ABCC1: variants seen among roughly 807,000 people sequenced by gnomAD.
ABCC1 encodes ATP binding cassette subfamily C member 1 (ABCC1 blood group).
In ABCC1, 83 loss-of-function variants were observed where a neutral mutation model predicts 172.9. That is an observed-to-expected ratio of 0.48 (90% confidence interval 0.40 to 0.58). ABCC1 has a LOEUF of 0.58. Ranked by LOEUF, ABCC1 falls within the 20% of genes least tolerant of loss-of-function variation. The probability of loss-of-function intolerance (pLI) is 0.00; values close to 1 mark genes in which losing one functional copy is unlikely to be tolerated. For synonymous variants in ABCC1, 937 were observed against 825.2 expected, an observed-to-expected ratio of 1.14 and a Z score of -2.32; for missense variants, 1,817 against 2,002.7, an observed-to-expected ratio of 0.91 and a Z score of 1.77.
At chr16:15,971,869 T>A (rs1354574357) in intron 1 of ABCC1, among the ~76,000 whole-genome samples, 1 of 151,734 alleles carries the variant, frequency 6.6e-6, no homozygotes, top group Non-Finnish European at 1.5e-5. Context: ...CAGACACACG[T>A]GGAGTGGTTT....
At chr16:16,106,348 C>T (rs1320658481) in intron 20 of ABCC1, among the ~76,000 whole-genome samples, 2 of 148,222 alleles carry the variant, frequency 1.3e-5, no homozygotes, top group East Asian at 2.0e-4. Context: ...AAATGATCTA[C>T]GATGTGCCCT....
At chr16:16,052,871 C>A in intron 11 of ABCC1, 55 bp downstream of exon 11, 1 of 1,556,650 alleles carries the variant, frequency 6.4e-7, no homozygotes, top group Non-Finnish European at 8.9e-7. Context: ...GAGGCCTCTC[C>A]ATGAGGATTT....
chr16:15,989,810 G>A (rs531563459), intron 1 of ABCC1, among the ~76,000 whole-genome samples: 6 of 152,224 alleles, frequency 3.9e-5, no homozygotes, highest in East Asian at 1.9e-4. Flanking sequence ...AAAATGGAGC[G>A]ATGTACATGA....
At chr16:15,994,057 A>C (rs2046967395) in intron 1 of ABCC1, among the ~76,000 whole-genome samples, 1 of 152,142 alleles carries the variant, frequency 6.6e-6, no homozygotes, top group Non-Finnish European at 1.5e-5. Context: ...TGAATCTACA[A>C]AAGATACAAA....
At chr16:16,116,811 C>T (rs2044896563) in intron 23 of ABCC1, among the ~76,000 whole-genome samples, 1 of 152,200 alleles carries the variant, frequency 6.6e-6, no homozygotes, top group South Asian at 2.1e-4. Context: ...CCGCCCGCCT[C>T]AGCCTGCCAA....
chr16:16,042,789 G>A (rs900362591), intron 7 of ABCC1, among the ~76,000 whole-genome samples: 2 of 151,842 alleles, frequency 1.3e-5, no homozygotes, highest in Admixed American at 1.3e-4. Flanking sequence ...CACAATTCAT[G>A]TATGCAGAAC....
chr16:16,058,722 C>A (rs998086764), intron 12 of ABCC1, among the ~76,000 whole-genome samples: 2 of 152,194 alleles, frequency 1.3e-5, no homozygotes, highest in African/African-American at 4.8e-5. Context: ...ACTATCTTGG[C>A]TCACTGCAAT....
In ABCC1 at chr16:16,106,948, A is replaced by C. The variant is rs1053829952; in HGVS notation, c.2871+75A>C. On this transcript the variant is annotated intron_variant, in intron 21 of 30. Transcript: ENST00000399410. ...CCACTGTGCACTGGGCACTGTGCAA[A>C]GTGCCTTGTCTATGTTAACTCACCT... 1.9e-6 allele frequency: 3 copies of C among 1,587,798 alleles called. No individual in the cohort carries two copies. In the African/African-American group the frequency reaches 4.0e-5, roughly 21 times the overall value.
At chr16:16,032,585 G>T (rs1469940520) in intron 5 of ABCC1, among the ~76,000 whole-genome samples, 2 of 152,176 alleles carry the variant, frequency 1.3e-5, no homozygotes, top group Admixed American at 1.3e-4. Context: ...AATTCCATGA[G>T]GATATAAAAT....
chr16:16,124,371 G>A lies in ABCC1; in HGVS notation c.3591-418G>A, dbSNP rs1567432285. ...TGTGATTATAGGAGTGACCCACTAC[G>A]CCCGGCTGTGTGTGTGTGTGTGTGT... On this transcript the variant is annotated intron_variant, in intron 24 of 30. Transcript: ENST00000399410. Among the ~76,000 whole-genome samples the A allele has an allele frequency of 5.0e-5, 5 of 99,934 alleles. No individual in the cohort carries two copies. The South Asian group carries it at 1.7e-3, about 35-fold the overall frequency. 65.6% of individuals were successfully genotyped at this position (99,934 alleles called of 152,430 possible).
intron 12 of ABCC1, among the ~76,000 whole-genome samples, chr16:16,066,020 A>G (rs79741481): frequency 0.028 from 4,193 of 152,128 alleles, 200 homozygotes; most frequent in African/African-American, 0.092. Flanking sequence ...TAATTCCAGG[A>G]CGTTTTCATT....
rs147161637 is a variant in ABCC1 at position 16,043,222 on chromosome 16, GT to G, written c.810-1207del. On this transcript the variant is annotated intron_variant, in intron 7 of 30. Coordinates refer to ENST00000399410, the MANE Select transcript of ABCC1 (RefSeq NM_004996.4). ...CTGTGTTGCTCTGGCTGGCTGGACT[GT>G]TTTTTTTTTTTTTTTTTTTTCCACT... Among the ~76,000 whole-genome samples the G allele has an allele frequency of 8.1e-3, 725 of 89,462 alleles. 6 individuals are homozygous for G. Among genetic ancestry groups the G allele is most frequent in the East Asian group, 0.027 (81 of 2,946 alleles). 58.7% of individuals were successfully genotyped at this position (89,462 alleles called of 152,430 possible).
intron 5 of ABCC1, among the ~76,000 whole-genome samples, chr16:16,020,620 C>G (rs1268816879): frequency 2.0e-5 from 3 of 152,072 alleles, no homozygotes; most frequent in African/African-American, 7.2e-5. Flanking sequence ...ACCATCTGAC[C>G]CTTTACAGAA....
chr16:15,994,090 G>A (rs761579059), intron 1 of ABCC1, among the ~76,000 whole-genome samples: 2 of 152,118 alleles, frequency 1.3e-5, no homozygotes, highest in Non-Finnish European at 2.9e-5. Flanking sequence ...ATGGTGATGC[G>A]TGCCAGGTAG....
chr16:16,053,903 T>C (rs2049537657), intron 11 of ABCC1, among the ~76,000 whole-genome samples: 1 of 150,958 alleles, frequency 6.6e-6, no homozygotes, highest in Admixed American at 6.6e-5. Context: ...AGCAAATCCT[T>C]CTACAACTTT....
chr16:15,989,577 G>T (rs1469280178), intron 1 of ABCC1, among the ~76,000 whole-genome samples: 4 of 152,112 alleles, frequency 2.6e-5, no homozygotes, highest in African/African-American at 9.7e-5. Context: ...CTGCAGCGTT[G>T]TTTCTGAGTG....
At chr16:16,130,542 T>G (rs150445216) in intron 26 of ABCC1, among the ~76,000 whole-genome samples, 36 of 152,306 alleles carry the variant, frequency 2.4e-4, no homozygotes, top group Admixed American at 3.9e-4. Context: ...TGTATTGCGC[T>G]CCTCAAATAC....
intron 7 of ABCC1, among the ~76,000 whole-genome samples, chr16:16,042,001 A>G (rs1391949476): frequency 6.6e-6 from 1 of 152,026 alleles, no homozygotes; most frequent in Non-Finnish European, 1.5e-5. Context: ...GGGCTGAAGC[A>G]TGAGAATTGC....
chr16:16,116,064 A>G (rs6416665), intron 23 of ABCC1, among the ~76,000 whole-genome samples: 150,150 of 152,066 alleles, frequency 0.99, 74,158 homozygotes, highest in Middle Eastern at 1. Context: ...CACTACGCCC[A>G]GCTAATTTTT....
Sources: allele counts gnomAD v4.1 joint callset (sites outside exome capture counted in the v4.1 genomes callset), GRCh38; gene constraint gnomAD v4.1.1; transcripts MANE v1.5; gene names NCBI Gene and HGNC (gene_info 2026-07-23, HGNC 2026-07-21).